CADM2: variants seen among roughly 807,000 people sequenced by gnomAD.
CADM2 encodes cell adhesion molecule 2, also known as immunoglobulin superfamily member 4D.
A neutral mutation model predicts 49.8 loss-of-function variants in CADM2; 12 were observed. That is an observed-to-expected ratio of 0.24 (90% CI 0.15 to 0.39). The LOEUF (loss-of-function observed/expected upper bound fraction) is 0.39, where lower values mean the gene tolerates loss of function less well. CADM2 is among the 10% of genes least tolerant of loss of function. CADM2 has a pLI of 1.00. For synonymous variants in CADM2, 214 were observed against 175.4 expected (o/e 1.22, Z -1.74); for missense variants, 378 against 492.3 (o/e 0.77, Z 2.20).
intron 1 of CADM2, among the ~76,000 whole-genome samples, chr3:85,082,033 A>G (rs1454652630): frequency 6.6e-6 from 1 of 152,166 alleles, no homozygotes; most frequent in Non-Finnish European, 1.5e-5. Flanking sequence ...TTTGGGGCAT[A>G]TATATTATCC....
At chr3:85,650,456 A>C (rs1271615479) in intron 1 of CADM2, among the ~76,000 whole-genome samples, 2 of 151,230 alleles carry the variant, frequency 1.3e-5, no homozygotes, top group African/African-American at 4.9e-5. Flanking sequence ...GTGTGTAACT[A>C]TGTGTTAGTG....
intron 1 of CADM2, among the ~76,000 whole-genome samples, chr3:85,564,167 TTCTCTCTCTCTCTCTCTCTC>T (rs3086193): frequency 4.7e-5 from 7 of 149,582 alleles, no homozygotes; most frequent in Non-Finnish European, 8.9e-5. Flanking sequence ...GAAAGCATGA[TTCTCTCTCTCTCTCTCTCTC>T]TCTCTCTCTC....
At chr3:85,587,346 A>C (rs902074531) in intron 1 of CADM2, among the ~76,000 whole-genome samples, 1 of 152,122 alleles carries the variant, frequency 6.6e-6, no homozygotes, top group Non-Finnish European at 1.5e-5. Context: ...TTCCAGTAAT[A>C]GTAGGGTATA....
chr3:85,160,490 A>G (rs756567325), intron 1 of CADM2, among the ~76,000 whole-genome samples: 2 of 152,116 alleles, frequency 1.3e-5, no homozygotes, highest in Non-Finnish European at 2.9e-5. Context: ...ATTCACATCT[A>G]CAGTAGGGTC....
chr3:86,020,865 A>G (rs992171890), intron 8 of CADM2, among the ~76,000 whole-genome samples: 1 of 152,076 alleles, frequency 6.6e-6, no homozygotes, highest in Non-Finnish European at 1.5e-5. Context: ...TCTATGACAA[A>G]CCCACAGCCA....
intron 1 of CADM2, among the ~76,000 whole-genome samples, chr3:85,454,380 A>G (rs1471642219): frequency 1.3e-5 from 2 of 152,038 alleles, no homozygotes; most frequent in Admixed American, 1.3e-4. Flanking sequence ...TAATCCTTCT[A>G]GTACGCAGAA....
At chr3:85,953,210 G>A (rs1204204080) in intron 7 of CADM2, among the ~76,000 whole-genome samples, 2 of 150,672 alleles carry the variant, frequency 1.3e-5, no homozygotes, top group Non-Finnish European at 3.0e-5. Context: ...CTTTCTCTTG[G>A]ACTAAGCTAC....
intron 1 of CADM2, among the ~76,000 whole-genome samples, chr3:85,162,050 AC>A (rs2040342957): frequency 6.6e-6 from 1 of 151,924 alleles, no homozygotes; most frequent in African/African-American, 2.4e-5. Flanking sequence ...AAAAACAAGT[AC>A]CTTTGTCTTT....
intron 1 of CADM2, among the ~76,000 whole-genome samples, chr3:85,448,466 T>C (rs984592606): frequency 2.0e-5 from 3 of 152,172 alleles, no homozygotes; most frequent in Admixed American, 6.5e-5. Context: ...TATGGATGTC[T>C]TCATGATTCT....
chr3:85,090,816 T>C (rs1404929848), intron 1 of CADM2, among the ~76,000 whole-genome samples: 1 of 152,192 alleles, frequency 6.6e-6, no homozygotes, highest in East Asian at 1.9e-4. Context: ...GTCCACTCCT[T>C]AGAAGAATCT....
intron 8 of CADM2, among the ~76,000 whole-genome samples, chr3:86,008,530 G>A (rs575743550): frequency 3.2e-4 from 48 of 152,036 alleles, no homozygotes; most frequent in East Asian, 2.3e-3. Flanking sequence ...TTTTTGATGC[G>A]TAATTCAATG....
chr3:85,809,792 C>CTCTCTCTCTTTA (rs2072733680), intron 3 of CADM2, among the ~76,000 whole-genome samples: 1 of 115,586 alleles, frequency 8.7e-6, no homozygotes, highest in African/African-American at 3.5e-5. Flanking sequence ...CTCTCTCTCT[C>CTCTCTCTCTTTA]TTTCTTTCTT....
chr3:85,477,565 G>C (rs572917904), intron 1 of CADM2, among the ~76,000 whole-genome samples: 1 of 151,768 alleles, frequency 6.6e-6, no homozygotes, highest in Non-Finnish European at 1.5e-5. Flanking sequence ...CATTTTAGGA[G>C]AGACAGCCAA....
rs1310456152 is a variant in CADM2, at chr3:85,653,386, T to C, written c.62-73136T>C. 5.4e-5 allele frequency among the ~76,000 whole-genome samples: 8 copies of C among 148,920 alleles called. No homozygotes were observed. In the Admixed American group the frequency reaches 5.4e-4, roughly 10 times the overall value. The stretch of plus-strand genomic sequence containing the variant: ...AGTGGACAAGTAAAATATGGAACAC[T>C]TCTAGGTATATTTCTAAAGTAACAT... On this transcript the variant is annotated intron_variant, in intron 1 of 9. Coordinates refer to ENST00000383699, the MANE Select transcript of CADM2 (RefSeq NM_001167675.2).
intron 2 of CADM2, among the ~76,000 whole-genome samples, chr3:85,797,933 CTT>C (rs1358752733): frequency 6.6e-6 from 1 of 152,122 alleles, no homozygotes; most frequent in African/African-American, 2.4e-5. Context: ...TGTTTCCTGA[CTT>C]TTTAATGAGT....
chr3:85,054,638 A>C (rs756086907), intron 1 of CADM2, among the ~76,000 whole-genome samples: 35 of 151,912 alleles, frequency 2.3e-4, no homozygotes, highest in Non-Finnish European at 4.7e-4. Flanking sequence ...AAAAGGAGAA[A>C]TGCGATCTTT....
chr3:85,597,930 T>C (rs1188860966), intron 1 of CADM2, among the ~76,000 whole-genome samples: 1 of 152,046 alleles, frequency 6.6e-6, no homozygotes, highest in Non-Finnish European at 1.5e-5. Context: ...GCTGACCAAC[T>C]CTAAACATTT....
At chr3:85,047,009 A>G (rs1486286097) in intron 1 of CADM2, among the ~76,000 whole-genome samples, 1 of 152,166 alleles carries the variant, frequency 6.6e-6, no homozygotes, top group Admixed American at 6.6e-5. Context: ...AAGGTTCTGC[A>G]GATGTATTTT....
chr3:85,364,527 G>A (rs531079817), intron 1 of CADM2, among the ~76,000 whole-genome samples: 3 of 151,968 alleles, frequency 2.0e-5, no homozygotes, highest in East Asian at 1.9e-4. Flanking sequence ...ACCTTCAGAG[G>A]GCTTCAGCAT....
Sources: gnomAD v4.1 joint callset for allele counts (sites outside exome capture counted in the v4.1 genomes callset) on GRCh38, gnomAD v4.1.1 for gene constraint, MANE v1.5 for transcripts, NCBI Gene and HGNC (gene_info 2026-07-23, HGNC 2026-07-21) for gene names.